Variants in RGS22 observed in about 807,000 individuals in gnomAD.
RGS22 encodes regulator of G protein signaling 22.
In RGS22, 148 loss-of-function variants were observed where a neutral mutation model predicts 172.9. That is an observed-to-expected ratio of 0.86 (90% CI 0.75 to 0.98). The LOEUF is 0.98. Ranked by LOEUF, RGS22 falls within the 50% of genes least tolerant of loss-of-function variation. RGS22 has a pLI of 0.00. For missense variants in RGS22, 1,347 were observed against 1,440.8 expected, an observed-to-expected ratio of 0.93 and a Z score of 1.05; for synonymous variants, 458 against 480.2, an observed-to-expected ratio of 0.95 and a Z score of 0.60.
In RGS22 at chr8:100,066,162, C is replaced by CTT; in HGVS notation, c.724+3_724+4dup. The CTT allele has an allele frequency of 6.2e-7, 1 of 1,610,014 alleles. No homozygotes were observed. The highest frequency in any genetic ancestry group is 8.5e-7 in the Non-Finnish European group (1 of 1,178,066). On this transcript the variant is annotated splice_donor_region_variant and intron_variant, in intron 7 of 27. Transcript: ENST00000360863. ...CTGAAGTCATTCTTGTCCTTTTCTG[C>CTT]TTACCAGAAACAGATGAAATAGCTG...
chr8:100,067,802 T>G (rs2131822589), intron 6 of RGS22, among the ~76,000 whole-genome samples: 1 of 151,770 alleles, frequency 6.6e-6, no homozygotes, highest in East Asian at 1.9e-4. Flanking sequence ...TTTTTGTATT[T>G]TTAGTAGAGA....
chr8:99,993,074 C>A (rs1813937884), intron 20 of RGS22, among the ~76,000 whole-genome samples: 2 of 152,100 alleles, frequency 1.3e-5, no homozygotes, highest in African/African-American at 4.8e-5. Flanking sequence ...CCAATGAGAA[C>A]AAAGACACAA....
chr8:100,029,781 A>G lies in RGS22; in HGVS notation c.2166+9150T>C, dbSNP rs1015495445. 2.9e-4 allele frequency among the ~76,000 whole-genome samples: 44 copies of G among 151,990 alleles called. 1 individual carries two copies. The highest frequency in any genetic ancestry group is 1.0e-3 in the African/African-American group (42 of 41,528). On this transcript the variant is annotated intron_variant, in intron 14 of 27. Coordinates refer to ENST00000360863, the MANE Select transcript of RGS22 (RefSeq NM_015668.5). ...TGTAAAAAACCTGCATGCTCTGCAC[A>G]TGTATCCCAGGACTTAAAGTAAAAT...
At chr8:100,039,227 A>C (rs1484794574) in intron 13 of RGS22, among the ~76,000 whole-genome samples, 195 bp from the exon 14 acceptor site, 1 of 152,142 alleles carries the variant, frequency 6.6e-6, no homozygotes, top group Non-Finnish European at 1.5e-5. Context: ...GGAAGATTAT[A>C]TTTTTGCATG....
At chr8:100,072,532 A>G (rs919943027) in intron 4 of RGS22, among the ~76,000 whole-genome samples, 2 of 152,260 alleles carry the variant, frequency 1.3e-5, no homozygotes. Flanking sequence ...AGAATGAGGG[A>G]AAAAAAGCCA....
At chr8:100,094,480 ATTTC>A (rs1269972636) in intron 2 of RGS22, among the ~76,000 whole-genome samples, 1 of 152,178 alleles carries the variant, frequency 6.6e-6, no homozygotes, top group Non-Finnish European at 1.5e-5. Context: ...TTTCAGGGTA[ATTTC>A]TTTAAGTAAT....
chr8:100,013,007 A>G (rs1160690654), intron 14 of RGS22, among the ~76,000 whole-genome samples: 1 of 112,126 alleles, frequency 8.9e-6, no homozygotes, highest in African/African-American at 3.6e-5. Context: ...TTTTTTTGAG[A>G]CGGAGTCAGT....
chr8:99,978,072 T>C lies in RGS22; in HGVS notation c.3364A>G (p.Thr1122Ala), dbSNP rs780572011. The change falls in exon 23 of 28, where the codon ACA becomes GCA. Residue 1122 changes from threonine to alanine, a missense_variant. By Grantham distance (58) the Thr-to-Ala change is moderately conservative. Coordinates refer to ENST00000360863, the MANE Select transcript of RGS22 (RefSeq NM_015668.5). ...GPYVFREAQM[T>A]IFGVLFKFWP... ...AATTTAAACAGAACCCCAAAAATTG[T>C]CATCTGTATAAAAAAAAGTCTAAGA... The C allele has an allele frequency of 1.3e-6, 2 of 1,508,360 alleles. No homozygotes were observed. The highest frequency in any genetic ancestry group is 1.8e-6 in the Non-Finnish European group (2 of 1,138,068). 93.4% of individuals were successfully genotyped at this position (1,508,360 alleles called of 1,614,324 possible).
intron 15 of RGS22, among the ~76,000 whole-genome samples, chr8:100,008,111 C>T (rs947260525): frequency 6.6e-6 from 1 of 151,050 alleles, no homozygotes; most frequent in Non-Finnish European, 1.5e-5. Context: ...GATCTTGGCT[C>T]ACTGCAACCT....
intron 9 of RGS22, among the ~76,000 whole-genome samples, chr8:100,056,419 A>T (rs1822257230): frequency 6.6e-6 from 1 of 152,206 alleles, no homozygotes; most frequent in Non-Finnish European, 1.5e-5. Flanking sequence ...TCGCCAAGAC[A>T]ATGGAGAAAA....
chr8:100,019,564 C>T (rs1403453596), intron 14 of RGS22, among the ~76,000 whole-genome samples: 2 of 152,122 alleles, frequency 1.3e-5, no homozygotes, highest in Non-Finnish European at 2.9e-5. Flanking sequence ...ACTGTGAGAT[C>T]TTAATACTAG....
chr8:100,008,612 C>A (rs770095288), intron 14 of RGS22, 43 bp from the exon 15 acceptor site: 2 of 1,486,028 alleles, frequency 1.3e-6, no homozygotes, highest in African/African-American at 1.4e-5. Flanking sequence ...TTAAGAGAAG[C>A]CACAATGGTT....
In RGS22 at chr8:99,962,678, G is replaced by A. The variant is rs1362144708; in HGVS notation, c.3790+9C>T. 1 of 1,593,654 alleles carries A rather than the reference G, an allele frequency of 6.3e-7. No individual in the cohort carries two copies. Among genetic ancestry groups the A allele is most frequent in the Admixed American group, 1.8e-5 (1 of 54,614 alleles). On this transcript the variant is annotated intron_variant, in intron 26 of 27. Transcript: ENST00000360863. The stretch of plus-strand genomic sequence containing the variant: ...AAACAACTGAAGATAGACTACACTG[G>A]AAACTCACTCTGGCTGCTGTGGGCA...
At chr8:100,057,789 C>A (rs980594923) in intron 9 of RGS22, among the ~76,000 whole-genome samples, 3 of 152,122 alleles carry the variant, frequency 2.0e-5, no homozygotes, top group Non-Finnish European at 4.4e-5. Flanking sequence ...AATGGACTAA[C>A]TCTTCAATGC....
chr8:100,019,576 T>C (rs983473914), intron 14 of RGS22, among the ~76,000 whole-genome samples: 2 of 152,194 alleles, frequency 1.3e-5, no homozygotes, highest in African/African-American at 4.8e-5. Flanking sequence ...TAATACTAGT[T>C]GACAGCACAT....
intron 9 of RGS22, among the ~76,000 whole-genome samples, chr8:100,056,408 A>G (rs1230817394): frequency 6.6e-6 from 1 of 152,228 alleles, no homozygotes; most frequent in Admixed American, 6.5e-5. Flanking sequence ...CCAAATGTTA[A>G]TCGCCAAGAC....
At chr8:100,045,271 GA>G (rs78907558) in intron 11 of RGS22, among the ~76,000 whole-genome samples, 13 of 145,772 alleles carry the variant, frequency 8.9e-5, no homozygotes, top group Admixed American at 4.1e-4. Context: ...AAACAAAAAA[GA>G]AAAAAAAAAG....
chr8:100,051,862 AATGTTTAT>A (rs1695169572), intron 10 of RGS22, among the ~76,000 whole-genome samples: 1 of 43,710 alleles, frequency 2.3e-5, no homozygotes, highest in African/African-American at 8.0e-5. Flanking sequence ...TTTATATATA[AATGTTTAT>A]ATATTTATAT....
At position 100,105,150 on chromosome 8, in the gene RGS22, TTAA is replaced by T. The variant is rs543387690; in HGVS notation, c.54+221_54+223del. On this transcript the variant is annotated intron_variant, in intron 2 of 27. Coordinates refer to ENST00000360863, the MANE Select transcript of RGS22 (RefSeq NM_015668.5). ...ATGAGGCCATTTATGTGAAAGAACT[TTAA>T]TGATGAACAGCATCCACCATACAAA... Among the ~76,000 whole-genome samples the T allele has an allele frequency of 2.2e-3, 338 of 152,336 alleles. 2 individuals are homozygous for T. Among genetic ancestry groups the T allele is most frequent in the Non-Finnish European group, 3.5e-3 (239 of 68,022 alleles).
Sources: gnomAD v4.1 joint callset for allele counts (sites outside exome capture counted in the v4.1 genomes callset) on GRCh38, gnomAD v4.1.1 for gene constraint, MANE v1.5 for transcripts, NCBI Gene and HGNC (gene_info 2026-07-23, HGNC 2026-07-21) for gene names.